KMO: variants seen among roughly 807,000 people sequenced by gnomAD.
KMO encodes the protein kynurenine 3-monooxygenase.
KMO carries 24 observed loss-of-function variants against 57.8 expected under a neutral mutation model. That is an observed-to-expected ratio of 0.42 (90% CI 0.30 to 0.58). KMO has a LOEUF of 0.58. Among genes scored for constraint, KMO ranks in the 20% least tolerant of loss-of-function variants. KMO has a pLI of 0.22. For missense variants in KMO, 483 were observed against 588.2 expected (o/e 0.82, Z 1.85); for synonymous variants, 210 against 193.6 (o/e 1.08, Z -0.70).
intron 14 of KMO, among the ~76,000 whole-genome samples, chr1:241,591,517 G>A (rs1329823498): frequency 1.3e-5 from 2 of 152,098 alleles, no homozygotes; most frequent in Non-Finnish European, 2.9e-5. Context: ...TTTACAGCTG[G>A]TGTTTAGTCT....
intron 10 of KMO, among the ~76,000 whole-genome samples, chr1:241,574,730 T>C (rs1414788140): frequency 6.6e-6 from 1 of 152,012 alleles, no homozygotes; most frequent in African/African-American, 2.4e-5. Flanking sequence ...TAGTTTTCTT[T>C]CTTTGTTATG....
intron 6 of KMO, among the ~76,000 whole-genome samples, chr1:241,561,541 A>G (rs930765938): frequency 6.6e-6 from 1 of 152,162 alleles, no homozygotes; most frequent in Non-Finnish European, 1.5e-5. Context: ...CTGCACATGT[A>G]ATATAATGTG....
At chr1:241,557,247 T>A (rs928951464) in intron 5 of KMO, among the ~76,000 whole-genome samples, 1 of 152,200 alleles carries the variant, frequency 6.6e-6, no homozygotes, top group African/African-American at 2.4e-5. Context: ...TCACACACCA[T>A]GTATCCCTTA....
chr1:241,544,759 A>C (rs12129636), intron 1 of KMO, among the ~76,000 whole-genome samples: 45,882 of 152,020 alleles, frequency 0.3, 7,857 homozygotes, highest in Non-Finnish European at 0.39. Flanking sequence ...AATAACATGC[A>C]TACAAAATTT....
In KMO at chr1:241,594,576, T is replaced by C. The variant is rs761305857; in HGVS notation, c.*2423T>C. ...TTTCTTTGGCCTGTCCCCATCTTTC[T>C]GTGACATCACAATGGGTCTGATCTG... On this transcript the variant is annotated 3_prime_UTR_variant, in exon 15 of 15. Coordinates refer to ENST00000366559, the MANE Select transcript of KMO (RefSeq NM_003679.5). 1.2e-6 allele frequency: 2 copies of C among 1,614,068 alleles called. No individual in the cohort carries two copies. The highest frequency in any genetic ancestry group is 4.5e-5 in the East Asian group (2 of 44,896).
chr1:241,549,245 G>GAA (rs1558414832), intron 2 of KMO, among the ~76,000 whole-genome samples: 2 of 20,170 alleles, frequency 9.9e-5, no homozygotes, highest in Admixed American at 8.5e-4. Flanking sequence ...AAGAAAGAAA[G>GAA]AAAGAAAGAA....
chr1:241,575,133 T>C (rs1662458985), intron 10 of KMO, among the ~76,000 whole-genome samples: 1 of 152,048 alleles, frequency 6.6e-6, no homozygotes, highest in South Asian at 2.1e-4. Context: ...TCATTTCTAA[T>C]TGAGCTTGTT....
intron 1 of KMO, among the ~76,000 whole-genome samples, chr1:241,543,731 T>C (rs1661036632): frequency 6.6e-6 from 1 of 152,178 alleles, no homozygotes; most frequent in African/African-American, 2.4e-5. Flanking sequence ...GGCCTCATCT[T>C]CTCTAGCACT....
At chr1:241,539,459 C>A (rs2147939826) in intron 1 of KMO, among the ~76,000 whole-genome samples, 1 of 151,926 alleles carries the variant, frequency 6.6e-6, no homozygotes, top group Non-Finnish European at 1.5e-5. Context: ...TTCAGAGTAA[C>A]AACTGTCCTT....
intron 7 of KMO, among the ~76,000 whole-genome samples, chr1:241,564,247 T>A (rs1203762994): frequency 3.3e-5 from 5 of 152,186 alleles, no homozygotes; most frequent in African/African-American, 1.2e-4. Flanking sequence ...AATACAAATA[T>A]GAAATAATTG....
chr1:241,552,436 A>G (rs189815591), intron 4 of KMO, among the ~76,000 whole-genome samples: 1 of 152,170 alleles, frequency 6.6e-6, no homozygotes, highest in Non-Finnish European at 1.5e-5. Context: ...TAAGAACTGC[A>G]TAAAATTGCT....
At chr1:241,535,191 A>C (rs1476887630) in intron 1 of KMO, among the ~76,000 whole-genome samples, 1 of 152,134 alleles carries the variant, frequency 6.6e-6, no homozygotes, top group Non-Finnish European at 1.5e-5. Context: ...AAATAGAGCA[A>C]TTCAAGAAGG....
chr1:241,549,069 T>C (rs542026317), intron 2 of KMO, among the ~76,000 whole-genome samples, 171 bp downstream of exon 2: 2 of 151,568 alleles, frequency 1.3e-5, no homozygotes, highest in Admixed American at 1.3e-4. Flanking sequence ...TGTGGTGGTG[T>C]GTGGTAGGAG....
chr1:241,556,606 G>A (rs553757630), intron 5 of KMO, among the ~76,000 whole-genome samples: 10 of 152,182 alleles, frequency 6.6e-5, no homozygotes, highest in Non-Finnish European at 1.2e-4. Context: ...TGGGCCAGGC[G>A]TGGTGGCTCA....
intron 1 of KMO, among the ~76,000 whole-genome samples, chr1:241,543,218 A>G (rs982512009): frequency 1.1e-4 from 17 of 152,118 alleles, no homozygotes; most frequent in Admixed American, 2.6e-4. Flanking sequence ...TCCCCCACCC[A>G]TTAGAAGCAT....
intron 1 of KMO, among the ~76,000 whole-genome samples, chr1:241,547,758 T>C (rs1558413786): frequency 6.6e-6 from 1 of 152,128 alleles, no homozygotes; most frequent in Non-Finnish European, 1.5e-5. Context: ...TACAACCAAC[T>C]CTTGAAACAG....
At chr1:241,542,450 A>C (rs1442283980) in intron 1 of KMO, among the ~76,000 whole-genome samples, 2 of 152,244 alleles carry the variant, frequency 1.3e-5, no homozygotes, top group African/African-American at 4.8e-5. Context: ...GAATGTCCTC[A>C]AAGTCTTGTA....
At chr1:241,588,086 C>A (rs1663079570) in intron 11 of KMO, among the ~76,000 whole-genome samples, 1 of 152,082 alleles carries the variant, frequency 6.6e-6, no homozygotes, top group Non-Finnish European at 1.5e-5. Flanking sequence ...TGATCTTGAG[C>A]AAATCACTTC....
intron 7 of KMO, 61 bp downstream of exon 7, chr1:241,562,393 T>A: frequency 1.3e-6 from 2 of 1,520,774 alleles, no homozygotes; most frequent in Non-Finnish European, 1.8e-6. Context: ...CGCGAATGCG[T>A]ATTCTAGTGC....
Sources: allele counts gnomAD v4.1 joint callset (sites outside exome capture counted in the v4.1 genomes callset), GRCh38; gene constraint gnomAD v4.1.1; transcripts MANE v1.5; gene names NCBI Gene and HGNC (gene_info 2026-07-23, HGNC 2026-07-21).